IQCM: variants seen among roughly 807,000 people sequenced by gnomAD.
IQCM encodes the protein IQ motif containing M.
Under a neutral mutation model 57.6 loss-of-function variants are expected in IQCM, and 45 were observed. That is an observed-to-expected ratio of 0.78 (90% CI 0.62 to 1.00). The LOEUF is 1.00. Ranked by LOEUF, IQCM falls within the 50% of genes least tolerant of loss-of-function variation. The pLI is 0.00. For missense variants in IQCM, 468 were observed against 511.6 expected, an observed-to-expected ratio of 0.91 and a Z score of 0.82; for synonymous variants, 148 against 158.9, an observed-to-expected ratio of 0.93 and a Z score of 0.51.
At chr4:149,356,005 C>G (rs1267108232) in intron 13 of IQCM, among the ~76,000 whole-genome samples, 1 of 152,196 alleles carries the variant, frequency 6.6e-6, no homozygotes, top group Non-Finnish European at 1.5e-5. Context: ...TGATGATGAA[C>G]ATTTTTTCAT....
intron 12 of IQCM, among the ~76,000 whole-genome samples, chr4:149,488,452 G>A (rs1008657651): frequency 6.6e-6 from 1 of 152,084 alleles, no homozygotes; most frequent in African/African-American, 2.4e-5. Context: ...AACCAAATTT[G>A]AAACTTCAAA....
intron 13 of IQCM, among the ~76,000 whole-genome samples, chr4:149,409,224 A>G (rs1346293050): frequency 6.6e-6 from 1 of 152,218 alleles, no homozygotes; most frequent in Non-Finnish European, 1.5e-5. Context: ...ATGGGGCCTC[A>G]GATGTTACAA....
intron 12 of IQCM, among the ~76,000 whole-genome samples, chr4:149,436,926 G>A (rs958418105): frequency 6.6e-6 from 1 of 152,038 alleles, no homozygotes. Flanking sequence ...TGCAAAGCAG[G>A]TTATATACAT....
At chr4:149,621,280 T>G in intron 7 of IQCM, 36 bp from the exon 8 acceptor site, 6 of 1,014,712 alleles carry the variant, frequency 5.9e-6, no homozygotes, top group South Asian at 5.0e-5. Context: ...AAACAATATC[T>G]ATCCAGGAAA....
intron 12 of IQCM, among the ~76,000 whole-genome samples, chr4:149,493,290 T>C (rs1026827195): frequency 1.3e-5 from 2 of 152,128 alleles, no homozygotes; most frequent in African/African-American, 4.8e-5. Flanking sequence ...AAAATAATTT[T>C]CTTACAACAA....
chr4:149,713,460 A>G (rs1764731459), intron 5 of IQCM, among the ~76,000 whole-genome samples: 1 of 152,204 alleles, frequency 6.6e-6, no homozygotes, highest in Non-Finnish European at 1.5e-5. Context: ...AAACAAAACC[A>G]TGACTGGTCT....
At chr4:149,779,915 C>A (rs1327336455) in intron 2 of IQCM, among the ~76,000 whole-genome samples, 1 of 152,092 alleles carries the variant, frequency 6.6e-6, no homozygotes, top group Non-Finnish European at 1.5e-5. Flanking sequence ...CATTTTGCCT[C>A]ATTACTTCAC....
chr4:149,403,360 A>G (rs1250879245), intron 13 of IQCM, among the ~76,000 whole-genome samples: 1 of 151,972 alleles, frequency 6.6e-6, no homozygotes, highest in Non-Finnish European at 1.5e-5. Flanking sequence ...TTTATCAAAC[A>G]TTTTTCAAAA....
chr4:149,596,674 CTAGAAGTTTTCTAGGAATTTCT>C (rs1196036048), intron 8 of IQCM, among the ~76,000 whole-genome samples: 1 of 152,050 alleles, frequency 6.6e-6, no homozygotes, highest in African/African-American at 2.4e-5. Flanking sequence ...GATAAAATTC[CTAGAAGTTTTCTAGGAATTTCT>C]AATGACAATA....
intron 12 of IQCM, among the ~76,000 whole-genome samples, chr4:149,540,730 A>C (rs181391327): frequency 2.0e-4 from 31 of 152,186 alleles, no homozygotes; most frequent in African/African-American, 6.7e-4. Flanking sequence ...CATTTAACCA[A>C]ATGTTAATGG....
chr4:149,398,327 G>A (rs974916580), intron 13 of IQCM, among the ~76,000 whole-genome samples: 3 of 151,966 alleles, frequency 2.0e-5, no homozygotes, highest in African/African-American at 4.8e-5. Flanking sequence ...TCTTTCTCAA[G>A]ATTGATTGTT....
intron 13 of IQCM, among the ~76,000 whole-genome samples, chr4:149,361,107 G>A (rs574380628): frequency 2.6e-3 from 393 of 152,290 alleles, no homozygotes; most frequent in Non-Finnish European, 3.8e-3. Context: ...AGAGACTGGC[G>A]GCATTTTGCC....
intron 7 of IQCM, among the ~76,000 whole-genome samples, chr4:149,653,596 C>T (rs548342793): frequency 3.3e-5 from 5 of 151,936 alleles, no homozygotes; most frequent in Non-Finnish European, 5.9e-5. Context: ...TTCTGCAATT[C>T]CCTGAGCCAT....
intron 2 of IQCM, among the ~76,000 whole-genome samples, chr4:149,747,582 G>A (rs1768045589): frequency 6.6e-6 from 1 of 152,094 alleles, no homozygotes; most frequent in Non-Finnish European, 1.5e-5. Context: ...CTACATATGT[G>A]GAATCCACGG....
intron 8 of IQCM, among the ~76,000 whole-genome samples, chr4:149,617,463 T>C (rs1755897327): frequency 6.6e-6 from 1 of 152,168 alleles, no homozygotes; most frequent in Admixed American, 6.5e-5. Context: ...CTCATATTTA[T>C]TCAGACACAC....
intron 5 of IQCM, among the ~76,000 whole-genome samples, chr4:149,732,657 A>G (rs978926679): frequency 6.6e-6 from 1 of 152,156 alleles, no homozygotes; most frequent in African/African-American, 2.4e-5. Context: ...ACGTAAGAGG[A>G]AAAAAATAAG....
intron 5 of IQCM, among the ~76,000 whole-genome samples, chr4:149,704,490 C>A (rs1580065696): frequency 6.6e-6 from 1 of 151,874 alleles, no homozygotes; most frequent in African/African-American, 2.4e-5. Flanking sequence ...ATACGGCCCA[C>A]AAAGCCAAAA....
intron 8 of IQCM, among the ~76,000 whole-genome samples, chr4:149,605,713 C>A (rs1018933104): frequency 5.3e-5 from 8 of 152,088 alleles, no homozygotes; most frequent in African/African-American, 1.7e-4. Context: ...GTCTTGGAGG[C>A]AGTGAACTTG....
At chr4:149,439,845 G>A (rs901054503) in intron 12 of IQCM, among the ~76,000 whole-genome samples, 27 of 151,878 alleles carry the variant, frequency 1.8e-4, no homozygotes, top group African/African-American at 5.1e-4. Flanking sequence ...TTTTTATTGG[G>A]CTCAGCATAC....
Sources: allele counts gnomAD v4.1 joint callset (sites outside exome capture counted in the v4.1 genomes callset), GRCh38; gene constraint gnomAD v4.1.1; transcripts MANE v1.5; gene names NCBI Gene and HGNC (gene_info 2026-07-23, HGNC 2026-07-21).